The following UTS2B variants were observed in gnomAD, a reference collection of about 807,000 sequenced individuals.
UTS2B encodes the protein urotensin 2B.
Under a neutral mutation model 19.2 loss-of-function variants are expected in UTS2B, and 21 were observed. The ratio of observed to expected loss-of-function variants is 1.09; its 90% CI spans 0.78 to 1.58. UTS2B has a LOEUF of 1.58. Among genes scored for constraint, UTS2B ranks in the 40% most tolerant of loss-of-function variants. The probability of loss-of-function intolerance (pLI) is 0.00; values close to 1 mark genes in which losing one functional copy is unlikely to be tolerated. For synonymous variants in UTS2B, 57 were observed against 50.2 expected (o/e 1.14, Z -0.58); for missense variants, 138 against 130.3 (o/e 1.06, Z -0.29).
At chr3:191,319,823 G>A (rs1393584308) in intron 2 of UTS2B, among the ~76,000 whole-genome samples, 1 of 148,772 alleles carries the variant, frequency 6.7e-6, no homozygotes, top group Non-Finnish European at 1.5e-5. Context: ...AGCCAAGATC[G>A]CGCCACTGCA....
At chr3:191,343,168 G>A in the UTS2B span, among the ~76,000 whole-genome samples, 1 of 152,200 alleles carries the variant, frequency 6.6e-6, no homozygotes, top group Non-Finnish European at 1.5e-5. Flanking sequence ...TTTGGTATCT[G>A]TGGGGGTGCT....
intron 8 of UTS2B, among the ~76,000 whole-genome samples, chr3:191,274,315 T>C (rs1716171702): frequency 6.6e-6 from 1 of 152,180 alleles, no homozygotes; most frequent in Non-Finnish European, 1.5e-5. Flanking sequence ...GTAATAATGA[T>C]CAAAATAATT....
chr3:191,308,486 A>G (rs1183771962), intron 3 of UTS2B, among the ~76,000 whole-genome samples: 1 of 152,176 alleles, frequency 6.6e-6, no homozygotes, highest in African/African-American at 2.4e-5. Context: ...TTCAAGATGG[A>G]GCATCACATT....
At chr3:191,297,069 T>A (rs1208895774) in intron 4 of UTS2B, among the ~76,000 whole-genome samples, 1 of 152,200 alleles carries the variant, frequency 6.6e-6, no homozygotes, top group Non-Finnish European at 1.5e-5. Flanking sequence ...TTTCTTTAAA[T>A]GAGAATCTCT....
At chr3:191,287,728 G>A (rs1259442209) in intron 4 of UTS2B, among the ~76,000 whole-genome samples, 1 of 151,632 alleles carries the variant, frequency 6.6e-6, no homozygotes, top group African/African-American at 2.4e-5. Context: ...CCATTACTAC[G>A]CAACATTGTA....
chr3:191,310,566 C>T (rs544613336), intron 3 of UTS2B, among the ~76,000 whole-genome samples: 2 of 152,260 alleles, frequency 1.3e-5, no homozygotes, highest in Admixed American at 6.5e-5. Flanking sequence ...GATGCTCTGG[C>T]CATTGCTATT....
intron 3 of UTS2B, among the ~76,000 whole-genome samples, chr3:191,307,515 A>G (rs1356829354): frequency 6.6e-6 from 1 of 152,238 alleles, no homozygotes; most frequent in Non-Finnish European, 1.5e-5. Flanking sequence ...TCTCATGTAT[A>G]AACAGTCGAT....
At chr3:191,326,080 T>A (rs1268720096) in intron 2 of UTS2B, among the ~76,000 whole-genome samples, 1 of 152,212 alleles carries the variant, frequency 6.6e-6, no homozygotes, top group African/African-American at 2.4e-5. Context: ...CAGATAATTC[T>A]TTCCAGAAGT....
intron 6 of UTS2B, 61 bp from the exon 7 acceptor site, chr3:191,276,905 A>C: frequency 2.1e-6 from 3 of 1,456,458 alleles, no homozygotes; most frequent in Non-Finnish European, 2.9e-6. Flanking sequence ...AATTTGCTTC[A>C]GTACACACAT....
chr3:191,336,632 T>C, the UTS2B span, among the ~76,000 whole-genome samples: 1 of 152,170 alleles, frequency 6.6e-6, no homozygotes, highest in Non-Finnish European at 1.5e-5. Flanking sequence ...CAGAATGATA[T>C]GGGGATCCAA....
chr3:191,334,125 A>G (rs547017941), upstream of UTS2B, among the ~76,000 whole-genome samples: 1 of 152,116 alleles, frequency 6.6e-6, no homozygotes, highest in Non-Finnish European at 1.5e-5. Context: ...GGAATCTTAG[A>G]TAATTTGCAT....
intron 4 of UTS2B, among the ~76,000 whole-genome samples, chr3:191,284,248 G>T (rs1463990498): frequency 1.3e-5 from 2 of 152,062 alleles, no homozygotes; most frequent in Non-Finnish European, 2.9e-5. Flanking sequence ...ATTCTCATGG[G>T]TAAGAAGTTT....
At chr3:191,305,947 G>T (rs562961651) in intron 3 of UTS2B, among the ~76,000 whole-genome samples, 3 of 151,990 alleles carry the variant, frequency 2.0e-5, no homozygotes, top group African/African-American at 7.2e-5. Flanking sequence ...TTTTTTGGGG[G>T]GTCAGGTTTG....
chr3:191,273,642 A>T (rs765798315), intron 8 of UTS2B: 11 of 455,422 alleles, frequency 2.4e-5, no homozygotes, highest in Admixed American at 1.2e-4. Flanking sequence ...TGCCTCTGAG[A>T]TTTAGATTAC....
the UTS2B span, among the ~76,000 whole-genome samples, chr3:191,339,775 C>T: frequency 6.6e-6 from 1 of 152,192 alleles, no homozygotes; most frequent in Non-Finnish European, 1.5e-5. Flanking sequence ...TCTCCATTTA[C>T]TCTGATACTG....
the UTS2B span, among the ~76,000 whole-genome samples, chr3:191,337,555 G>A: frequency 6.6e-6 from 1 of 151,886 alleles, no homozygotes; most frequent in African/African-American, 2.4e-5. Flanking sequence ...GTGTTGGCCC[G>A]GCTGGTCTCA....
intron 4 of UTS2B, among the ~76,000 whole-genome samples, chr3:191,292,206 A>G (rs1427883319): frequency 6.6e-6 from 1 of 151,712 alleles, no homozygotes; most frequent in Non-Finnish European, 1.5e-5. Flanking sequence ...GAATTTTTCC[A>G]TCTTAAAAAT....
chr3:191,270,416 T>C (rs1298506273), intron 8 of UTS2B, among the ~76,000 whole-genome samples: 1 of 152,198 alleles, frequency 6.6e-6, no homozygotes, highest in Non-Finnish European at 1.5e-5. Flanking sequence ...CAGGCTGGTC[T>C]CAGACGATTG....
upstream of UTS2B, among the ~76,000 whole-genome samples, chr3:191,335,185 C>T (rs989276543): frequency 6.6e-6 from 1 of 152,084 alleles, no homozygotes; most frequent in African/African-American, 2.4e-5. Context: ...ATAAAGAAAA[C>T]AGTTATGGAG....
Sources: allele counts gnomAD v4.1 joint callset (sites outside exome capture counted in the v4.1 genomes callset), GRCh38; gene constraint gnomAD v4.1.1; transcripts MANE v1.5; gene names NCBI Gene and HGNC (gene_info 2026-07-23, HGNC 2026-07-21).